The following UBE2F variants were observed in gnomAD, a reference collection of about 807,000 sequenced individuals.
UBE2F encodes the protein ubiquitin conjugating enzyme E2 F (putative).
UBE2F carries 5 observed loss-of-function variants against 29.6 expected under a neutral mutation model. The ratio of observed to expected loss-of-function variants is 0.17; its 90% CI spans 0.09 to 0.36. UBE2F has a LOEUF of 0.36. UBE2F is among the 10% of genes least tolerant of loss of function. The pLI is 1.00. For synonymous variants in UBE2F, 66 were observed against 81.8 expected (o/e 0.81, Z 1.04); for missense variants, 141 against 228.5 (o/e 0.62, Z 2.47).
At chr2:238,029,905 TGTC>T (rs2064532262) in intron 6 of UBE2F, among the ~76,000 whole-genome samples, 1 of 152,084 alleles carries the variant, frequency 6.6e-6, no homozygotes, top group Non-Finnish European at 1.5e-5. Flanking sequence ...TTACTCCTGT[TGTC>T]ATGTTGTCAT....
intron 8 of UBE2F, among the ~76,000 whole-genome samples, chr2:238,034,289 G>C (rs989974151): frequency 8.6e-5 from 13 of 151,778 alleles, no homozygotes; most frequent in Non-Finnish European, 1.6e-4. Flanking sequence ...TTAGCCAGGC[G>C]TGGTGGCGGG....
intron 4 of UBE2F, among the ~76,000 whole-genome samples, chr2:238,009,947 GTTTTTTGT>G (rs1227734113): frequency 3.9e-5 from 6 of 152,180 alleles, no homozygotes; most frequent in East Asian, 3.9e-4. Flanking sequence ...CATCATCACA[GTTTTTTGT>G]TTTTTTGTTT....
intron 5 of UBE2F, among the ~76,000 whole-genome samples, chr2:238,018,391 GT>G (rs199523436): frequency 0.017 from 2,582 of 152,276 alleles, 70 homozygotes; most frequent in African/African-American, 0.059. Context: ...GAGAACCATT[GT>G]TTCAGGTATA....
intron 7 of UBE2F, 99 bp downstream of exon 7, chr2:238,030,712 A>G (rs1049867461): frequency 2.3e-6 from 2 of 883,318 alleles, no homozygotes; most frequent in Admixed American, 2.0e-5. Context: ...CTTGCCTGTC[A>G]CATCCACACC....
At chr2:238,026,656 A>G (rs1166130661) in intron 6 of UBE2F, among the ~76,000 whole-genome samples, 2 of 152,062 alleles carry the variant, frequency 1.3e-5, no homozygotes, top group Non-Finnish European at 2.9e-5. Context: ...GATGGTCTCA[A>G]TCTCCTGACC....
At chr2:238,016,679 C>T (rs994228652) in intron 5 of UBE2F, 46 bp downstream of exon 5, 11 of 1,561,292 alleles carry the variant, frequency 7.0e-6, no homozygotes, top group Non-Finnish European at 9.6e-6. Flanking sequence ...TCGGGCGGGG[C>T]TGCCTGTGGC....
intron 4 of UBE2F, among the ~76,000 whole-genome samples, chr2:238,008,448 A>G (rs1559216330): frequency 1.3e-5 from 2 of 152,124 alleles, no homozygotes; most frequent in East Asian, 1.9e-4. Context: ...GCATTTTTCA[A>G]TTTATTGATA....
chr2:238,042,500 A>G lies in UBE2F; in HGVS notation c.*1162A>G, dbSNP rs542572880. ...CCTCGGCCAGGTTAATATACTGCAG[A>G]GGAAAAGCCCTGAAGAGAGGCAAGT... On this transcript the variant is annotated 3_prime_UTR_variant, in exon 10 of 10. Coordinates refer to ENST00000272930, the MANE Select transcript of UBE2F (RefSeq NM_080678.3). The G allele has an allele frequency of 4.7e-4, 71 of 152,386 alleles. No homozygotes were observed. The highest frequency in any genetic ancestry group is 1.7e-3 in the African/African-American group (70 of 41,582). The allele number at this position is 152,386 out of a possible 1,614,324, so 9.4% of individuals were successfully genotyped here. A position where few individuals can be genotyped will look rare whatever the true frequency, so the allele number is the denominator to read the frequency against.
chr2:238,000,939 A>T (rs961815472), intron 4 of UBE2F, among the ~76,000 whole-genome samples: 4 of 151,554 alleles, frequency 2.6e-5, no homozygotes, highest in African/African-American at 9.7e-5. Context: ...CTACCTGTAT[A>T]TCTTCTTTGT....
chr2:238,032,364 T>C, intron 8 of UBE2F, 110 bp downstream of exon 8: 1 of 984,676 alleles, frequency 1.0e-6, no homozygotes, highest in Non-Finnish European at 1.6e-6. Context: ...AAATGAAACA[T>C]GGACTGGGCA....
intron 1 of UBE2F, chr2:237,968,647 T>A (rs2063109969): frequency 6.5e-6 from 1 of 154,206 alleles, no homozygotes; most frequent in East Asian, 1.9e-4. Context: ...TGAGTAAATA[T>A]CACTTGATGG....
intron 2 of UBE2F, among the ~76,000 whole-genome samples, chr2:237,983,722 ATC>A (rs2063423753): frequency 1.3e-5 from 2 of 151,920 alleles, no homozygotes; most frequent in African/African-American, 4.8e-5. Context: ...TCTGGGTTCC[ATC>A]TCTCTTCCTG....
rs1171873636 is a variant in UBE2F at position 237,974,466 on chromosome 2, A to G, written c.118+1241A>G. 2.7e-5 allele frequency among the ~76,000 whole-genome samples: 4 copies of G among 149,270 alleles called. No homozygotes were observed. The East Asian group carries it at 7.9e-4, about 29-fold the overall frequency. The stretch of plus-strand genomic sequence containing the variant: ...TGGCCTCCCAAAGTGCTGGGATTAC[A>G]GGCATGAGCCACTACACCTGGCCAA... On this transcript the variant is annotated intron_variant, in intron 2 of 9. Coordinates refer to ENST00000272930, the MANE Select transcript of UBE2F (RefSeq NM_080678.3).
chr2:237,985,153 A>G (rs185213030), intron 2 of UBE2F, among the ~76,000 whole-genome samples: 23 of 152,316 alleles, frequency 1.5e-4, no homozygotes, highest in African/African-American at 5.1e-4. Context: ...GCTTTGATAA[A>G]CATAGTAGTA....
chr2:237,983,768 T>C (rs1212645207), intron 2 of UBE2F, among the ~76,000 whole-genome samples: 1 of 152,196 alleles, frequency 6.6e-6, no homozygotes, highest in African/African-American at 2.4e-5. Context: ...ATCAGCAAGG[T>C]CTGATCCACT....
rs10695548 is a variant in UBE2F at position 238,002,063 on chromosome 2, A to ATTTTTT, written c.214+7267_214+7272dup. ...GAATGTGTAATAAAGGAATATCCCA[A>ATTTTTT]TTTTTTTTTTTTTTTTTTGAGACAG... On this transcript the variant is annotated intron_variant, in intron 4 of 9. Coordinates refer to ENST00000272930, the MANE Select transcript of UBE2F (RefSeq NM_080678.3). Among the ~76,000 whole-genome samples the ATTTTTT allele has an allele frequency of 3.2e-5, 4 of 126,184 alleles. 1 individual carries two copies. The highest frequency in any genetic ancestry group is 8.6e-5 in the Admixed American group (1 of 11,620). The allele number at this position is 126,184 out of a possible 152,430, so 82.8% of individuals were successfully genotyped here. A position where few individuals can be genotyped will look rare whatever the true frequency, so the allele number is the denominator to read the frequency against.
intron 5 of UBE2F, among the ~76,000 whole-genome samples, chr2:238,024,261 C>T (rs1028561894): frequency 2.0e-5 from 3 of 152,068 alleles, no homozygotes; most frequent in African/African-American, 7.2e-5. Context: ...TAGATATTTA[C>T]GTATGTTTCT....
At chr2:237,998,310 C>T (rs998972170) in intron 4 of UBE2F, among the ~76,000 whole-genome samples, 20 of 152,188 alleles carry the variant, frequency 1.3e-4, no homozygotes, top group African/African-American at 4.6e-4. Context: ...CAGCCAGTTC[C>T]TTGCCCCCTA....
intron 6 of UBE2F, among the ~76,000 whole-genome samples, chr2:238,027,026 T>A (rs549845970): frequency 6.6e-6 from 1 of 152,310 alleles, no homozygotes; most frequent in Admixed American, 6.5e-5. Context: ...TGGGGGGCCA[T>A]ACTCTACTTC....
Sources: gnomAD v4.1 joint callset for allele counts (sites outside exome capture counted in the v4.1 genomes callset) on GRCh38, gnomAD v4.1.1 for gene constraint, MANE v1.5 for transcripts, NCBI Gene and HGNC (gene_info 2026-07-23, HGNC 2026-07-21) for gene names.